Variants in GPHN observed in about 807,000 individuals in gnomAD.
GPHN encodes the protein gephyrin.
Under a neutral mutation model 95.5 loss-of-function variants are expected in GPHN, and 17 were observed. The observed-to-expected ratio is 0.18, with a 90% CI of 0.12 to 0.27. The LOEUF (loss-of-function observed/expected upper bound fraction) is 0.27. Ranked by LOEUF, GPHN falls within the 10% of genes least tolerant of loss-of-function variation. The pLI, the probability that GPHN is intolerant of heterozygous loss-of-function variation, is 1.00. For synonymous variants in GPHN, 320 were observed against 322.5 expected (o/e 0.99, Z 0.08); for missense variants, 660 against 978.1 (o/e 0.67, Z 4.34).
the GPHN span, among the ~76,000 whole-genome samples, chr14:67,340,963 C>T: frequency 2.0e-5 from 3 of 152,350 alleles, no homozygotes; most frequent in East Asian, 1.9e-4. Flanking sequence ...GATGGAGTCT[C>T]GTTCACTCAG....
At chr14:66,513,165 T>C (rs1007046336) in intron 1 of GPHN, among the ~76,000 whole-genome samples, 2 of 151,816 alleles carry the variant, frequency 1.3e-5, no homozygotes, top group African/African-American at 4.8e-5. Flanking sequence ...ACTATTATCA[T>C]TGGTCAAAGA....
intron 2 of GPHN, among the ~76,000 whole-genome samples, chr14:66,684,748 C>CT (rs61669892): frequency 4.3e-4 from 63 of 146,362 alleles, no homozygotes; most frequent in South Asian, 1.5e-3. Flanking sequence ...ACTAACTTTT[C>CT]TTTTTTTTTT....
intron 4 of GPHN, among the ~76,000 whole-genome samples, chr14:66,876,388 A>G (rs540146045): frequency 1.3e-5 from 2 of 152,304 alleles, no homozygotes; most frequent in South Asian, 4.1e-4. Flanking sequence ...AAGACGAGAA[A>G]TAACTAAAAT....
In GPHN at chr14:67,053,144, A is replaced by T. The variant is rs570228437; in HGVS notation, c.1007-5505A>T. 9.3e-5 allele frequency among the ~76,000 whole-genome samples: 14 copies of T among 150,748 alleles called. No individual in the cohort carries two copies. The East Asian group carries it at 1.2e-3, about 13-fold the overall frequency. On this transcript the variant is annotated intron_variant, in intron 10 of 22. Coordinates refer to ENST00000478722, the MANE Select transcript of GPHN (RefSeq NM_020806.5). The stretch of plus-strand genomic sequence containing the variant: ...AGGAGATAGAGACACGAAAAACCTT[A>T]AAAAAAATCAATGAATCTAGGAGCT...
At chr14:66,642,596 G>C (rs545857129) in intron 1 of GPHN, among the ~76,000 whole-genome samples, 3 of 145,986 alleles carry the variant, frequency 2.1e-5, no homozygotes, top group Non-Finnish European at 3.0e-5. Flanking sequence ...AGAAAAATTA[G>C]CTGAGCTAAC....
At chr14:66,556,466 C>T (rs2060011483) in intron 1 of GPHN, among the ~76,000 whole-genome samples, 2 of 152,138 alleles carry the variant, frequency 1.3e-5, no homozygotes, top group Admixed American at 1.3e-4. Flanking sequence ...CTTCTGTACT[C>T]TTGGTTCCTG....
chr14:66,806,108 G>C (rs1216244598), intron 3 of GPHN, among the ~76,000 whole-genome samples: 3 of 152,140 alleles, frequency 2.0e-5, no homozygotes, highest in Admixed American at 6.5e-5. Context: ...CTTGATTTCT[G>C]TTCACTCGCA....
intron 10 of GPHN, among the ~76,000 whole-genome samples, chr14:67,040,916 G>A (rs1028339829): frequency 1.3e-5 from 2 of 152,152 alleles, no homozygotes; most frequent in Non-Finnish European, 2.9e-5. Flanking sequence ...TGTAGTTAAT[G>A]AGTACAGTTA....
At chr14:66,790,932 C>G (rs950347630) in intron 3 of GPHN, among the ~76,000 whole-genome samples, 1 of 152,216 alleles carries the variant, frequency 6.6e-6, no homozygotes, top group Non-Finnish European at 1.5e-5. Flanking sequence ...GCAAAGATTG[C>G]AAGGCAGATT....
the GPHN span, among the ~76,000 whole-genome samples, chr14:67,631,691 CAA>C: frequency 1.3e-5 from 2 of 152,132 alleles, no homozygotes; most frequent in African/African-American, 4.8e-5. Context: ...CTTGGCCTTC[CAA>C]AGTGTTGGGA....
At chr14:67,613,467 G>T in the GPHN span, 2 of 153,028 alleles carry the variant, frequency 1.3e-5, no homozygotes, top group African/African-American at 2.4e-5. Context: ...GTTCAAGGCT[G>T]CAGTAAGCTA....
chr14:67,155,788 C>T (rs564497761), intron 18 of GPHN, among the ~76,000 whole-genome samples: 1 of 151,986 alleles, frequency 6.6e-6, no homozygotes, highest in Non-Finnish European at 1.5e-5. Context: ...CTCTACTAAT[C>T]TCGAGCCGGA....
At position 67,089,252 on chromosome 14, in the gene GPHN, C is replaced by A. The variant is rs17103917; in HGVS notation, c.1237+177C>A. 3.2e-3 allele frequency among the ~76,000 whole-genome samples: 452 copies of A among 143,218 alleles called. 3 individuals are homozygous for A. Among genetic ancestry groups the A allele is most frequent in the African/African-American group, 0.011 (434 of 39,710 alleles). 94.0% of individuals were successfully genotyped at this position (143,218 alleles called of 152,430 possible). A position where few individuals can be genotyped will look rare whatever the true frequency, so the allele number is the denominator to read the frequency against. ...TTCATTCACAGATAACCATGTTAAT[C>A]TGCACCTGTAAATTTTCTGGCACAA... On this transcript the variant is annotated intron_variant, in intron 12 of 22. Transcript: ENST00000478722.
Position 66,715,627 on chromosome 14 carries a change from T to G in GPHN, c.143+34442T>G, listed in dbSNP as rs566345221. Among the ~76,000 whole-genome samples the G allele has an allele frequency of 1.6e-3, 250 of 152,292 alleles. 1 individual carries two copies. The highest frequency in any genetic ancestry group is 5.8e-3 in the African/African-American group (243 of 41,562). On this transcript the variant is annotated intron_variant, in intron 2 of 22. Transcript: ENST00000478722. ...GATGTAGGTGTTTAGGGCTATGAAC[T>G]TTCCTGTTAGCACTGCCTTTGCTGT...
the GPHN span, chr14:67,584,136 T>G: frequency 5.6e-6 from 9 of 1,611,316 alleles, no homozygotes; most frequent in Non-Finnish European, 6.8e-6. Flanking sequence ...TAAGTGCCAG[T>G]GGAAGGAGCT....
intron 1 of GPHN, among the ~76,000 whole-genome samples, chr14:66,530,012 G>C (rs1207146522): frequency 1.3e-5 from 2 of 152,178 alleles, no homozygotes; most frequent in Non-Finnish European, 2.9e-5. Flanking sequence ...GAGCTGGCAG[G>C]CAGGGACGTT....
intron 1 of GPHN, among the ~76,000 whole-genome samples, chr14:66,559,571 G>C (rs1429910418): frequency 4.0e-5 from 6 of 151,652 alleles, no homozygotes; most frequent in Admixed American, 1.3e-4. Context: ...CCTACACCCA[G>C]TTTTTGATGT....
chr14:67,659,861 G>C, the GPHN span: 1 of 1,614,192 alleles, frequency 6.2e-7, no homozygotes, highest in Non-Finnish European at 8.5e-7. Context: ...TCGAAGCTTA[G>C]ACATCATGGG....
chr14:67,421,741 G>A, the GPHN span, among the ~76,000 whole-genome samples: 1 of 152,118 alleles, frequency 6.6e-6, no homozygotes, highest in Non-Finnish European at 1.5e-5. Context: ...CTGCAGAGGG[G>A]CCCTCCAACA....
Sources: gnomAD v4.1 joint callset for allele counts (sites outside exome capture counted in the v4.1 genomes callset) on GRCh38, gnomAD v4.1.1 for gene constraint, MANE v1.5 for transcripts, NCBI Gene and HGNC (gene_info 2026-07-23, HGNC 2026-07-21) for gene names.